The following PFKL variants were observed in gnomAD, a reference collection of about 807,000 sequenced individuals.
The protein encoded by PFKL is ATP-dependent 6-phosphofructokinase, liver type.
PFKL carries 74 observed loss-of-function variants against 92.1 expected under a neutral mutation model. The ratio of observed to expected loss-of-function variants is 0.80; its 90% confidence interval spans 0.67 to 0.97. The LOEUF is 0.97. PFKL is among the 50% of genes least tolerant of loss of function. PFKL has a pLI of 0.00. For missense variants in PFKL, 1,028 were observed against 1,116.6 expected (o/e 0.92, Z 1.13); for synonymous variants, 494 against 456.4 (o/e 1.08, Z -1.05).
Position 44,311,030 on chromosome 21 carries a change from G to A in PFKL, c.184G>A (p.Gly62Ser). 1 of 1,613,066 alleles carries A rather than the reference G, an allele frequency of 6.2e-7. No homozygotes were observed. Among genetic ancestry groups the A allele is most frequent in the Non-Finnish European group, 8.5e-7 (1 of 1,179,588 alleles). ...GGGCTATGAGGGCCTCGTGGAGGGA[G>A]GTGAGAACATCAAGCAGGCCAACTG... ...YEGYEGLVEG[G>S]ENIKQANWLS... The change falls in exon 3 of 22, where the codon GGT becomes AGT. Residue 62 changes from glycine to serine, a missense_variant. Coordinates refer to ENST00000349048, the MANE Select transcript of PFKL (RefSeq NM_002626.6).
At chr21:44,311,325 C>A (rs989168744) in intron 3 of PFKL, among the ~76,000 whole-genome samples, 2 of 149,714 alleles carry the variant, frequency 1.3e-5, no homozygotes, top group African/African-American at 2.5e-5. Context: ...CACAGACACA[C>A]ACAGACATGC....
Position 44,310,548 on chromosome 21 carries a change from C to T in PFKL, c.160-458C>T, listed in dbSNP as rs117036611. Among the ~76,000 whole-genome samples, 6 of 152,322 alleles carry T rather than the reference C, an allele frequency of 3.9e-5. No homozygotes were observed. In the East Asian group the frequency reaches 1.2e-3, roughly 29 times the overall value. ...CCACACAGCAAGAGCACGCGCCGCA[C>T]ACCCCGCCGGCCGCATGCCTGGGAG... On this transcript the variant is annotated intron_variant, in intron 2 of 21. Transcript: ENST00000349048.
At chr21:44,311,203 GACACACAGACAT>G (rs1381299661) in intron 3 of PFKL, 120 bp downstream of exon 3, 3 of 703,038 alleles carry the variant, frequency 4.3e-6, no homozygotes, top group Non-Finnish European at 7.3e-6. Context: ...CACACATGCA[GACACACAGACAT>G]GCACACAGAC....
At chr21:44,325,328 C>A in intron 19 of PFKL, 64 bp downstream of exon 19, 1 of 1,148,816 alleles carries the variant, frequency 8.7e-7, no homozygotes, top group Non-Finnish European at 1.3e-6. Flanking sequence ...CTGTCCCCGG[C>A]CCCAGGGGTC....
In PFKL at chr21:44,323,748, C is replaced by T. The variant is rs758262810; in HGVS notation, c.1498-18C>T. ...GCCTCGGTGCTGCCCTTGACCTGCC[C>T]CGTCCCTACTGCTGCAGGCCTATGA... On this transcript the variant is annotated intron_variant, in intron 15 of 21. Coordinates refer to ENST00000349048, the MANE Select transcript of PFKL (RefSeq NM_002626.6). 12 of 1,605,218 alleles carry T rather than the reference C, an allele frequency of 7.5e-6. No individual in the cohort carries two copies. In the Admixed American group the frequency reaches 1.9e-4, roughly 25 times the overall value.
In PFKL at chr21:44,312,258, G is replaced by A. The variant is rs1448402194; in HGVS notation, c.391G>A (p.Glu131Lys). Residue 131 changes from glutamate to lysine, a missense_variant, in exon 4 of 22, where the codon GAG becomes AAG. Coordinates refer to ENST00000349048, the MANE Select transcript of PFKL (RefSeq NM_002626.6). Reference sequence around the variant, plus strand: ...CACAGGTGCCAACATCTTCCGCAGCGAGTGGGGCAGCCTGCTGGAGGAGCT... The same window carrying A: ...CACAGGTGCCAACATCTTCCGCAGCAAGTGGGGCAGCCTGCTGGAGGAGCT... ...SLTGANIFRSEWGSLLEELVA... is the reference protein window; with the variant it reads ...SLTGANIFRSKWGSLLEELVA... 15 of 1,597,602 alleles carry A rather than the reference G, an allele frequency of 9.4e-6. No individual in the cohort carries two copies. The highest frequency in any genetic ancestry group is 2.7e-5 in the African/African-American group (2 of 74,174).
At chr21:44,306,560 C>G in intron 1 of PFKL, 121 bp from the exon 2 acceptor site, 1 of 813,326 alleles carries the variant, frequency 1.2e-6, no homozygotes, top group South Asian at 1.6e-5. Flanking sequence ...CCCCCACCAC[C>G]CGCCCTCTGA....
In PFKL at chr21:44,316,224, C is replaced by T. The variant is rs746763566; in HGVS notation, c.748-20C>T. 3 of 1,610,674 alleles carry T rather than the reference C, an allele frequency of 1.9e-6. No individual in the cohort carries two copies. The highest frequency in any genetic ancestry group is 1.1e-5 in the South Asian group (1 of 91,026). On this transcript the variant is annotated intron_variant, in intron 7 of 21. Coordinates refer to ENST00000349048, the MANE Select transcript of PFKL (RefSeq NM_002626.6). Reference sequence around the variant, plus strand: ...GGTTTCCCTGCCTGGCAGCTGAGCCCTGTCGTGTCTTTGACCCAGACTCGG... The same window carrying T: ...GGTTTCCCTGCCTGGCAGCTGAGCCTTGTCGTGTCTTTGACCCAGACTCGG...
chr21:44,313,046 G>A lies in PFKL; in HGVS notation c.496G>A (p.Asp166Asn), dbSNP rs778843887. 1 of 1,613,154 alleles carries A rather than the reference G, an allele frequency of 6.2e-7. No individual in the cohort carries two copies. The highest frequency in any genetic ancestry group is 8.5e-7 in the Non-Finnish European group (1 of 1,179,936). The change falls in exon 5 of 22, where the codon GAT becomes AAT. Residue 166 changes from aspartate to asparagine, a missense_variant. Transcript: ENST00000349048. ...LNIAGLVGSI[D>N]NDFCGTDMTI... ...CATCGCGGGCCTAGTGGGCTCCATC[G>A]ATAACGACTTCTGCGGCACCGACAT... is the stretch of plus-strand genomic sequence containing the variant.
In PFKL at chr21:44,326,891, C is replaced by T. The variant is rs1029929948; in HGVS notation, c.*29C>T. 1 of 1,578,866 alleles carries T rather than the reference C, an allele frequency of 6.3e-7. No homozygotes were observed. ...CAGCCATGCCCACGCCCCTCCCCAG[C>T]CCCCACCCATGCCAGCGCAGCGCCA... On this transcript the variant is annotated 3_prime_UTR_variant, in exon 22 of 22. Coordinates refer to ENST00000349048, the MANE Select transcript of PFKL (RefSeq NM_002626.6).
At position 44,307,296 on chromosome 21, in the gene PFKL, C is replaced by G. The variant is rs184003508; in HGVS notation, c.159+542C>G. On this transcript the variant is annotated intron_variant, in intron 2 of 21. Coordinates refer to ENST00000349048, the MANE Select transcript of PFKL (RefSeq NM_002626.6). ...GCCCTACTGCCTCAGCCCCAGTCCC[C>G]GTGGGAGATTTGGGGCTCGCCCTCC... The G allele has an allele frequency of 8.0e-5, 79 of 985,408 alleles. 1 individual carries two copies. In the East Asian group the frequency reaches 6.6e-3, roughly 82 times the overall value. The allele number at this position is 985,408 out of a possible 1,614,324, so 61.0% of individuals were successfully genotyped here. A position where few individuals can be genotyped will look rare whatever the true frequency, so the allele number is the denominator to read the frequency against.
intron 19 of PFKL, 113 bp from the exon 20 acceptor site, chr21:44,325,848 G>GGTGTTCACAA (rs2047491489): frequency 1.5e-6 from 1 of 689,032 alleles, no homozygotes; most frequent in Admixed American, 2.5e-5. Context: ...GGAAGGAATG[G>GGTGTTCACAA]GTGTTCACAA....
In PFKL at chr21:44,321,818, C is replaced by T; in HGVS notation, c.1281C>T (p.Ser427=). The T allele has an allele frequency of 1.2e-6, 2 of 1,602,328 alleles. No individual in the cohort carries two copies. Among genetic ancestry groups the T allele is most frequent in the South Asian group, 2.2e-5 (2 of 89,724 alleles). Residue 427 remains serine, a synonymous_variant, in exon 13 of 22, where the codon TCC becomes TCT. Transcript: ENST00000349048. ...AVRSAVRTGI[S]HGHTVYVVHD... Reference sequence around the variant, plus strand: ...GCTCGGCGGTGCGGACCGGCATCTCCCATGGACACACAGTATACGTGGTGC... The same window carrying T: ...GCTCGGCGGTGCGGACCGGCATCTCTCATGGACACACAGTATACGTGGTGC...
Position 44,313,944 on chromosome 21 carries a change from G to A in PFKL, c.670G>A (p.Gly224Arg). ...GGCGCTGGTATCTGCACTGGCCTCA[G>A]GGGCCGACTGGCTGTTCATCCCCGA... The part of the protein sequence containing the change: ...YLALVSALAS[G>R]ADWLFIPEAP... Residue 224 changes from glycine (G) to arginine (R), a missense_variant, in exon 7 of 22, where the codon GGG becomes AGG. By Grantham distance (125) the Gly-to-Arg change is moderately radical. Coordinates refer to ENST00000349048, the MANE Select transcript of PFKL (RefSeq NM_002626.6). 2 of 1,605,210 alleles carry A rather than the reference G, an allele frequency of 1.2e-6. No homozygotes were observed. The highest frequency in any genetic ancestry group is 1.7e-6 in the Non-Finnish European group (2 of 1,177,474).
intron 2 of PFKL, among the ~76,000 whole-genome samples, chr21:44,309,643 A>G (rs1409995779): frequency 2.0e-5 from 3 of 152,034 alleles, no homozygotes; most frequent in Non-Finnish European, 4.4e-5. Context: ...TCTGTATTGG[A>G]TCCTGAGTTT....
chr21:44,300,363 C>T (rs2040736394), intron 1 of PFKL, among the ~76,000 whole-genome samples, 173 bp downstream of exon 1: 1 of 151,876 alleles, frequency 6.6e-6, no homozygotes, highest in South Asian at 2.1e-4. Context: ...TCTTCCCCGG[C>T]GCGGTCTCCG....
At chr21:44,324,014 C>T (rs936672416) in intron 16 of PFKL, 96 bp downstream of exon 16, 11 of 1,431,512 alleles carry the variant, frequency 7.7e-6, no homozygotes, top group Non-Finnish European at 1.1e-5. Context: ...GTGTGGTGAG[C>T]ACCTGGGAGG....
rs149019551 is a variant in PFKL at position 44,324,733 on chromosome 21, G to A, written c.1815+78G>A. ...GCCCCAGACACTCAGGCCGGCCAGCGCAGGGCAGGGCCCGGGCAGGTGGGA... is the reference window on the plus strand; with the variant it reads ...GCCCCAGACACTCAGGCCGGCCAGCACAGGGCAGGGCCCGGGCAGGTGGGA... On this transcript the variant is annotated intron_variant, in intron 17 of 21. Transcript: ENST00000349048. 8.1e-4 allele frequency: 1,257 copies of A among 1,561,290 alleles called. 8 individuals carry two copies. The African/African-American group carries it at 0.015, about 18-fold the overall frequency.
At chr21:44,308,558 AATTT>A (rs2041021396) in intron 2 of PFKL, among the ~76,000 whole-genome samples, 1 of 137,606 alleles carries the variant, frequency 7.3e-6, no homozygotes. Flanking sequence ...GGGGGGTAGG[AATTT>A]TTTTTTTTTT....
Sources: allele counts gnomAD v4.1 joint callset (sites outside exome capture counted in the v4.1 genomes callset), GRCh38; gene constraint gnomAD v4.1.1; transcripts MANE v1.5; gene names NCBI Gene and HGNC (gene_info 2026-07-23, HGNC 2026-07-21).